CACNA1C: variants seen among roughly 807,000 people sequenced by gnomAD.
CACNA1C encodes calcium voltage-gated channel subunit alpha1 C.
CACNA1C carries 30 observed loss-of-function variants against 229.0 expected under a neutral mutation model. That is an observed-to-expected ratio of 0.13 (90% CI 0.10 to 0.18). The LOEUF (loss-of-function observed/expected upper bound fraction) is 0.18, where lower values mean the gene tolerates loss of function less well. CACNA1C is among the 10% of genes least tolerant of loss of function. CACNA1C has a pLI of 1.00. For missense variants in CACNA1C, 1,658 were observed against 2,845.0 expected, an observed-to-expected ratio of 0.58 and a Z score of 9.49; for synonymous variants, 1,114 against 1,132.5, an observed-to-expected ratio of 0.98 and a Z score of 0.33.
At chr12:2,624,709 A>T (rs940169487) in intron 29 of CACNA1C, among the ~76,000 whole-genome samples, 2 of 152,210 alleles carry the variant, frequency 1.3e-5, no homozygotes, top group African/African-American at 4.8e-5. Flanking sequence ...CGTGGTGGCC[A>T]GTGTCACCCC....
chr12:2,661,182 G>C (rs2095700377), intron 34 of CACNA1C, among the ~76,000 whole-genome samples: 1 of 151,538 alleles, frequency 6.6e-6, no homozygotes. Context: ...GGATCACTTG[G>C]GCCCAGGAGT....
chr12:2,085,437 C>T (rs541820837), intron 1 of CACNA1C, among the ~76,000 whole-genome samples: 1 of 152,296 alleles, frequency 6.6e-6, no homozygotes, highest in South Asian at 2.1e-4. Context: ...ACTATCTCCA[C>T]GTCCTCTGAA....
At chr12:2,496,329 G>T (rs2099746760) in intron 7 of CACNA1C, among the ~76,000 whole-genome samples, 1 of 152,168 alleles carries the variant, frequency 6.6e-6, no homozygotes, top group African/African-American at 2.4e-5. Context: ...AGAATGAATT[G>T]TCCTTCAGGC....
chr12:2,115,857 GA>G (rs2083617492), intron 2 of CACNA1C, among the ~76,000 whole-genome samples: 1 of 152,242 alleles, frequency 6.6e-6, no homozygotes, highest in African/African-American at 2.4e-5. Flanking sequence ...AAGAAGTTAT[GA>G]AATATCATCT....
At chr12:2,128,484 C>G (rs2091052527) in intron 3 of CACNA1C, among the ~76,000 whole-genome samples, 2 of 152,236 alleles carry the variant, frequency 1.3e-5, no homozygotes, top group South Asian at 4.2e-4. Context: ...GATCTCGGCT[C>G]ACTGCAAGCT....
At chr12:2,261,065 C>G (rs2154402138) in intron 3 of CACNA1C, among the ~76,000 whole-genome samples, 1 of 152,040 alleles carries the variant, frequency 6.6e-6, no homozygotes, top group East Asian at 1.9e-4. Flanking sequence ...CCTGTCTCTA[C>G]TAAAAATACA....
intron 30 of CACNA1C, among the ~76,000 whole-genome samples, chr12:2,640,351 A>G (rs2093514652): frequency 1.3e-5 from 2 of 152,154 alleles, no homozygotes; most frequent in Admixed American, 6.5e-5. Context: ...TGCACTCCTC[A>G]TTCAGTGCCT....
intron 3 of CACNA1C, among the ~76,000 whole-genome samples, chr12:2,245,026 G>A (rs760877612): frequency 6.6e-6 from 1 of 152,168 alleles, no homozygotes; most frequent in Non-Finnish European, 1.5e-5. Context: ...CTGATTGCCT[G>A]AACGTACTTG....
At chr12:2,093,685 T>C (rs1283464453) in intron 1 of CACNA1C, among the ~76,000 whole-genome samples, 1 of 152,214 alleles carries the variant, frequency 6.6e-6, no homozygotes, top group Non-Finnish European at 1.5e-5. Flanking sequence ...TGTATGATCA[T>C]GGGTGATCTG....
intron 1 of CACNA1C, among the ~76,000 whole-genome samples, chr12:2,012,759 A>G (rs1436022940): frequency 6.6e-6 from 1 of 152,200 alleles, no homozygotes; most frequent in East Asian, 1.9e-4. Context: ...GAATTTGGAG[A>G]AAAGGAAGGA....
chr12:2,176,382 G>A (rs1428571873), intron 3 of CACNA1C, among the ~76,000 whole-genome samples: 1 of 152,162 alleles, frequency 6.6e-6, no homozygotes, highest in Non-Finnish European at 1.5e-5. Context: ...TCCCCTGGAT[G>A]AGATGGGCAG....
At chr12:2,682,219 G>A (rs2097183686) in intron 42 of CACNA1C, among the ~76,000 whole-genome samples, 1 of 152,218 alleles carries the variant, frequency 6.6e-6, no homozygotes, top group Admixed American at 6.5e-5. Context: ...CAGGGCATAT[G>A]TCATTCCAAT....
At chr12:2,307,049 G>A (rs930532169) in intron 3 of CACNA1C, among the ~76,000 whole-genome samples, 5 of 152,192 alleles carry the variant, frequency 3.3e-5, no homozygotes, top group Non-Finnish European at 5.9e-5. Flanking sequence ...GGTCTCAGCT[G>A]AAGCCATGAG....
chr12:2,233,593 A>G (rs1424471649), intron 3 of CACNA1C, among the ~76,000 whole-genome samples: 1 of 152,248 alleles, frequency 6.6e-6, no homozygotes, highest in South Asian at 2.1e-4. Context: ...TGGAATATGA[A>G]GATACCATTC....
chr12:2,409,849 T>C (rs548943993), intron 3 of CACNA1C, among the ~76,000 whole-genome samples: 13 of 151,474 alleles, frequency 8.6e-5, no homozygotes, highest in Non-Finnish European at 1.3e-4. Flanking sequence ...GCAGGGGAGG[T>C]GGAGGCAACG....
At chr12:2,513,025 G>A (rs756544002) in intron 9 of CACNA1C, 41 bp downstream of exon 9, 4 of 1,530,600 alleles carry the variant, frequency 2.6e-6, no homozygotes, top group Admixed American at 1.9e-5. Context: ...TGGGTTCTGG[G>A]GGAGAGGAGA....
At chr12:2,050,666 G>A (rs1476333669), upstream of CACNA1C, among the ~76,000 whole-genome samples, 1 of 152,160 alleles carries the variant, frequency 6.6e-6, no homozygotes, top group Non-Finnish European at 1.5e-5. Flanking sequence ...ACACCAGAAT[G>A]GCAAAGAGGC....
At chr12:2,174,772 T>C (rs562857588) in intron 3 of CACNA1C, among the ~76,000 whole-genome samples, 2 of 152,332 alleles carry the variant, frequency 1.3e-5, no homozygotes, top group South Asian at 2.1e-4. Context: ...GATGAACACA[T>C]ATTTTGTATG....
At chr12:2,422,804 C>T (rs566967160) in intron 3 of CACNA1C, among the ~76,000 whole-genome samples, 14 of 152,230 alleles carry the variant, frequency 9.2e-5, no homozygotes, top group Middle Eastern at 3.4e-3. Flanking sequence ...CAAGCAAAGC[C>T]CTGGCAATGG....
Sources: allele counts gnomAD v4.1 joint callset (sites outside exome capture counted in the v4.1 genomes callset), GRCh38; gene constraint gnomAD v4.1.1; transcripts MANE v1.5; gene names NCBI Gene and HGNC (gene_info 2026-07-23, HGNC 2026-07-21).